Variants in RHOJ observed in about 807,000 individuals in gnomAD.
RHOJ encodes rho-related GTP-binding protein RhoJ.
RHOJ carries 11 observed loss-of-function variants against 23.4 expected under a neutral mutation model. The ratio of observed to expected loss-of-function variants is 0.47; its 90% CI spans 0.30 to 0.78. RHOJ has a LOEUF of 0.78. RHOJ is among the 30% of genes least tolerant of loss of function. The pLI is 0.08. For synonymous variants in RHOJ, 102 were observed against 102.7 expected, an observed-to-expected ratio of 0.99 and a Z score of 0.04; for missense variants, 254 against 273.4, an observed-to-expected ratio of 0.93 and a Z score of 0.50.
At chr14:63,253,016 G>C (rs1038904675) in intron 1 of RHOJ, among the ~76,000 whole-genome samples, 1 of 152,182 alleles carries the variant, frequency 6.6e-6, no homozygotes, top group African/African-American at 2.4e-5. Flanking sequence ...TGGATTTTTA[G>C]ACAATTTTTC....
intron 1 of RHOJ, among the ~76,000 whole-genome samples, chr14:63,238,229 T>C (rs1894823424): frequency 6.6e-6 from 1 of 152,226 alleles, no homozygotes; most frequent in Non-Finnish European, 1.5e-5. Flanking sequence ...GTGTTTTGTT[T>C]GCTTGTTTAT....
chr14:63,228,144 G>A lies in RHOJ; in HGVS notation c.178+23097G>A, dbSNP rs377159362. 1.6e-4 allele frequency among the ~76,000 whole-genome samples: 25 copies of A among 152,216 alleles called. 1 individual carries two copies. Among genetic ancestry groups the A allele is most frequent in the African/African-American group, 5.5e-4 (23 of 41,544 alleles). ...ACCCAGCACTGGAAGAATAACTTGC[G>A]GAGTTGATACAAGGTTTGATATGTT... On this transcript the variant is annotated intron_variant, in intron 1 of 4. Coordinates refer to ENST00000316754, the MANE Select transcript of RHOJ (RefSeq NM_020663.5).
At chr14:63,279,294 C>T (rs1881825119) in intron 2 of RHOJ, among the ~76,000 whole-genome samples, 1 of 152,148 alleles carries the variant, frequency 6.6e-6, no homozygotes, top group African/African-American at 2.4e-5. Context: ...ATAGTATACA[C>T]ACATATATAG....
chr14:63,273,646 C>A (rs1895511451), intron 2 of RHOJ, among the ~76,000 whole-genome samples: 1 of 152,210 alleles, frequency 6.6e-6, no homozygotes, highest in Non-Finnish European at 1.5e-5. Flanking sequence ...GTGGAACCAG[C>A]CATAGTACTA....
chr14:63,236,869 T>C (rs867445760), intron 1 of RHOJ, among the ~76,000 whole-genome samples: 3 of 152,088 alleles, frequency 2.0e-5, no homozygotes, highest in Non-Finnish European at 2.9e-5. Flanking sequence ...CTCAAGTCTT[T>C]GATATCCAAT....
chr14:63,264,148 T>A (rs1895324005), intron 1 of RHOJ, among the ~76,000 whole-genome samples: 1 of 152,038 alleles, frequency 6.6e-6, no homozygotes, highest in Non-Finnish European at 1.5e-5. Context: ...ACCCAATAGT[T>A]AGTTTTTCAA....
chr14:63,229,239 A>C (rs947022188), intron 1 of RHOJ, among the ~76,000 whole-genome samples: 1 of 152,258 alleles, frequency 6.6e-6, no homozygotes, highest in East Asian at 1.9e-4. Flanking sequence ...AAGCAAAAAA[A>C]AGAAGGAGGA....
chr14:63,254,946 A>C (rs979151773), intron 1 of RHOJ, among the ~76,000 whole-genome samples: 1 of 152,160 alleles, frequency 6.6e-6, no homozygotes, highest in Non-Finnish European at 1.5e-5. Flanking sequence ...GAAATATTGG[A>C]CTGAACAACA....
At chr14:63,263,911 C>T (rs1171891216) in intron 1 of RHOJ, among the ~76,000 whole-genome samples, 2 of 152,110 alleles carry the variant, frequency 1.3e-5, no homozygotes, top group Non-Finnish European at 2.9e-5. Context: ...GTTCCTCCCC[C>T]AGTGCACCCT....
intron 1 of RHOJ, among the ~76,000 whole-genome samples, chr14:63,228,407 C>A (rs939986918): frequency 6.6e-6 from 1 of 152,078 alleles, no homozygotes; most frequent in Non-Finnish European, 1.5e-5. Context: ...TTCTTGGCAG[C>A]GTTGTTTGTA....
chr14:63,272,954 C>T (rs1037855231), intron 2 of RHOJ, among the ~76,000 whole-genome samples: 2 of 152,118 alleles, frequency 1.3e-5, no homozygotes, highest in African/African-American at 4.8e-5. Context: ...ACCTGGGAGG[C>T]GGAGGTAGCA....
At chr14:63,249,303 T>C (rs2139638508) in intron 1 of RHOJ, among the ~76,000 whole-genome samples, 1 of 152,336 alleles carries the variant, frequency 6.6e-6, no homozygotes, top group East Asian at 1.9e-4. Flanking sequence ...AAGTGCATAG[T>C]CTTGGGAATC....
Position 63,293,393 on chromosome 14 carries a change from G to T in RHOJ, c.*2369G>T, listed in dbSNP as rs1030274465. 6.6e-6 allele frequency among the ~76,000 whole-genome samples: 1 copy of T among 152,190 alleles called. No individual in the cohort carries two copies. The highest frequency in any genetic ancestry group is 1.5e-5 in the Non-Finnish European group (1 of 68,032). On this transcript the variant is annotated 3_prime_UTR_variant, in exon 5 of 5. Coordinates refer to ENST00000316754, the MANE Select transcript of RHOJ (RefSeq NM_020663.5). ...CAGGAAGTAAGTTGATCTTGATGGG[G>T]AGATCACGTCACCCAGAACCAGCAA...
chr14:63,232,153 A>C (rs777206016), intron 1 of RHOJ, among the ~76,000 whole-genome samples: 11 of 152,168 alleles, frequency 7.2e-5, no homozygotes, highest in Non-Finnish European at 1.0e-4. Flanking sequence ...TCCATACACT[A>C]TGAGTTTCAT....
At chr14:63,220,763 A>G (rs1243022730) in intron 1 of RHOJ, among the ~76,000 whole-genome samples, 2 of 152,220 alleles carry the variant, frequency 1.3e-5, no homozygotes, top group African/African-American at 4.8e-5. Context: ...AGGGAGCTGG[A>G]TATTCTTAGA....
chr14:63,271,350 A>G (rs1381178097), intron 2 of RHOJ, among the ~76,000 whole-genome samples: 1 of 152,206 alleles, frequency 6.6e-6, no homozygotes, highest in East Asian at 1.9e-4. Flanking sequence ...GTAATTAGGC[A>G]AAAGGATTTG....
intron 1 of RHOJ, among the ~76,000 whole-genome samples, chr14:63,249,867 C>T (rs1474181551): frequency 1.3e-5 from 2 of 152,172 alleles, no homozygotes; most frequent in African/African-American, 2.4e-5. Context: ...AGGTTAAGAA[C>T]CACTGCTCTT....
At chr14:63,288,259 CA>C (rs1193237007) in intron 4 of RHOJ, 1 of 985,338 alleles carries the variant, frequency 1.0e-6, no homozygotes, top group Non-Finnish European at 1.2e-6. Context: ...GACATGCTGT[CA>C]GCTGCACACT....
rs78858430 is a variant in RHOJ, at chr14:63,269,310, G to A, written c.237+142G>A. 4,064 of 538,848 alleles carry A rather than the reference G, an allele frequency of 7.5e-3. 121 individuals are homozygous for A. Among genetic ancestry groups the A allele is most frequent in the African/African-American group, 0.063 (3,307 of 52,268 alleles). The allele number at this position is 538,848 out of a possible 1,614,324, so 33.4% of individuals were successfully genotyped here. On this transcript the variant is annotated intron_variant, in intron 2 of 4. Transcript: ENST00000316754. Reference sequence around the variant, plus strand: ...CCAATTTATTGTCTGCCTAAATGACGACCAAAAGCACATTCTCAATATTTT... The same window carrying A: ...CCAATTTATTGTCTGCCTAAATGACAACCAAAAGCACATTCTCAATATTTT...
Sources: gnomAD v4.1 joint callset for allele counts (sites outside exome capture counted in the v4.1 genomes callset) on GRCh38, gnomAD v4.1.1 for gene constraint, MANE v1.5 for transcripts, NCBI Gene and HGNC (gene_info 2026-07-23, HGNC 2026-07-21) for gene names.